The following DCC variants were observed in gnomAD, a reference collection of about 807,000 sequenced individuals.
DCC encodes netrin receptor DCC.
A neutral mutation model predicts 172.5 loss-of-function variants in DCC; 58 were observed. The observed-to-expected ratio is 0.34, with a 90% CI of 0.27 to 0.42. DCC has a LOEUF of 0.42. Among genes scored for constraint, DCC ranks in the 10% least tolerant of loss-of-function variants. The pLI is 1.00. For synonymous variants in DCC, 709 were observed against 644.5 expected (o/e 1.10, Z -1.52); for missense variants, 1,740 against 1,791.0 (o/e 0.97, Z 0.51).
At chr18:52,986,361 G>A (rs891485315) in intron 5 of DCC, among the ~76,000 whole-genome samples, 4 of 152,100 alleles carry the variant, frequency 2.6e-5, no homozygotes, top group Non-Finnish European at 5.9e-5. Context: ...GCAGCGAATG[G>A]CCCAGATATT....
At chr18:52,727,095 A>C (rs540269747) in intron 1 of DCC, among the ~76,000 whole-genome samples, 1 of 152,200 alleles carries the variant, frequency 6.6e-6, no homozygotes, top group Admixed American at 6.5e-5. Context: ...GAGTCAGTAG[A>C]TAGATTGTCA....
chr18:53,111,029 G>GAAAATGTGGCACATATACAC (rs1241836136), intron 7 of DCC, among the ~76,000 whole-genome samples: 4 of 139,000 alleles, frequency 2.9e-5, no homozygotes, highest in Non-Finnish European at 6.2e-5. Context: ...ACTGGATTAA[G>GAAAATGTGGCACATATACAC]AAAATGTGGC....
intron 2 of DCC, among the ~76,000 whole-genome samples, chr18:52,803,192 T>C (rs537024744): frequency 2.4e-4 from 36 of 152,320 alleles, no homozygotes; most frequent in African/African-American, 7.9e-4. Context: ...CATGGTGTTA[T>C]TCAAGGTTTA....
intron 20 of DCC, among the ~76,000 whole-genome samples, 160 bp downstream of exon 20, chr18:53,410,806 G>T (rs896248254): frequency 1.3e-5 from 2 of 152,072 alleles, no homozygotes; most frequent in Admixed American, 6.6e-5. Context: ...GCTCAAAGCC[G>T]ACATATCAAA....
intron 7 of DCC, among the ~76,000 whole-genome samples, chr18:53,139,470 A>T (rs975113574): frequency 6.6e-6 from 1 of 152,054 alleles, no homozygotes; most frequent in Non-Finnish European, 1.5e-5. Context: ...CCATCTCATG[A>T]TCTGATTTCT....
At chr18:52,402,306 A>C (rs1258221729) in intron 1 of DCC, among the ~76,000 whole-genome samples, 2 of 152,006 alleles carry the variant, frequency 1.3e-5, no homozygotes, top group African/African-American at 4.8e-5. Flanking sequence ...ATTTTGGGTG[A>C]TCAGAATATT....
At chr18:52,386,910 A>G (rs1389378297) in intron 1 of DCC, among the ~76,000 whole-genome samples, 1 of 152,088 alleles carries the variant, frequency 6.6e-6, no homozygotes, top group African/African-American at 2.4e-5. Context: ...TATTACAGAT[A>G]CCATTACGGG....
At chr18:52,719,966 C>T (rs1599045921) in intron 1 of DCC, among the ~76,000 whole-genome samples, 1 of 151,996 alleles carries the variant, frequency 6.6e-6, no homozygotes, top group South Asian at 2.1e-4. Flanking sequence ...ACAAGAAGAC[C>T]CAGAAAGTTA....
At chr18:53,014,580 G>A (rs893165177) in intron 5 of DCC, among the ~76,000 whole-genome samples, 1 of 151,508 alleles carries the variant, frequency 6.6e-6, no homozygotes, top group African/African-American at 2.4e-5. Context: ...GAGAATGATG[G>A]GGGATAATTA....
intron 12 of DCC, among the ~76,000 whole-genome samples, chr18:53,276,416 G>A (rs1238094564): frequency 6.6e-6 from 1 of 151,968 alleles, no homozygotes. Context: ...TCATTCCATT[G>A]TTCTTGCTTT....
In DCC at chr18:53,240,127, ATATGAAAGTTATAATTAC is replaced by A. The variant is rs1156799923; in HGVS notation, c.1911+24550_1911+24567del. On this transcript the variant is annotated intron_variant, in intron 12 of 28. Coordinates refer to ENST00000442544, the MANE Select transcript of DCC (RefSeq NM_005215.4). Reference sequence around the variant, plus strand: ...CCTCTACTGTTTTCCAGAAGAATAAATATGAAAGTTATAATTACTATGAAAGTTATAATTACTTTTATA... The same window carrying A: ...CCTCTACTGTTTTCCAGAAGAATAAATATGAAAGTTATAATTACTTTTATA... Among the ~76,000 whole-genome samples, 24 of 152,014 alleles carry A rather than the reference ATATGAAAGTTATAATTAC, an allele frequency of 1.6e-4. 1 individual carries two copies. In the South Asian group the frequency reaches 3.3e-3, roughly 21 times the overall value.
At chr18:53,275,904 G>C (rs1002532806) in intron 12 of DCC, among the ~76,000 whole-genome samples, 1 of 147,190 alleles carries the variant, frequency 6.8e-6, no homozygotes, top group African/African-American at 2.7e-5. Context: ...TAGAGTTAAA[G>C]CAGGATTTTT....
chr18:52,748,183 C>T (rs1197136315), intron 1 of DCC, among the ~76,000 whole-genome samples: 1 of 152,184 alleles, frequency 6.6e-6, no homozygotes, highest in African/African-American at 2.4e-5. Flanking sequence ...GCTTTAGGTG[C>T]CGGCACAGGC....
chr18:53,128,737 C>G (rs2043600939), intron 7 of DCC, among the ~76,000 whole-genome samples: 1 of 150,924 alleles, frequency 6.6e-6, no homozygotes. Flanking sequence ...ATACTGGTTT[C>G]AATTTTGAAG....
chr18:53,023,137 CA>C (rs1288474355), intron 5 of DCC, among the ~76,000 whole-genome samples: 5 of 151,574 alleles, frequency 3.3e-5, no homozygotes, highest in African/African-American at 9.7e-5. Flanking sequence ...ATAAATGTAC[CA>C]TAGTAATTAG....
In DCC at chr18:53,502,798, G is replaced by GAAGAAGC. The variant is rs572416812; in HGVS notation, c.4111+3289_4111+3295dup. Among the ~76,000 whole-genome samples, 63 of 151,908 alleles carry GAAGAAGC rather than the reference G, an allele frequency of 4.1e-4. No individual in the cohort carries two copies. The South Asian group carries it at 0.013, about 31-fold the overall frequency. ...TGAAAGCTTTGAGATTAGGATCAAG[G>GAAGAAGC]AAGAAGCTCTTTCCCCACTCAAATT... is the stretch of plus-strand genomic sequence containing the variant. On this transcript the variant is annotated intron_variant, in intron 27 of 28. Coordinates refer to ENST00000442544, the MANE Select transcript of DCC (RefSeq NM_005215.4).
chr18:52,964,597 A>G (rs149483492), intron 5 of DCC, among the ~76,000 whole-genome samples: 33 of 152,254 alleles, frequency 2.2e-4, no homozygotes, highest in African/African-American at 7.7e-4. Flanking sequence ...AAAAGTCTCT[A>G]TAACTTTCTG....
chr18:52,487,300 G>A (rs1414198404), intron 1 of DCC, among the ~76,000 whole-genome samples: 2 of 152,088 alleles, frequency 1.3e-5, no homozygotes, highest in African/African-American at 2.4e-5. Flanking sequence ...AGGGCTCAAA[G>A]TGTTGAAAAT....
chr18:53,530,747 C>G lies in DCC; in HGVS notation c.*94C>G. ...CACACCTGTGTCCAAGAACTCTAAC[C>G]AGTGTACAGGTCACCCATCAGGACC... On this transcript the variant is annotated 3_prime_UTR_variant, in exon 29 of 29. Transcript: ENST00000442544. 1.3e-6 allele frequency: 1 copy of G among 785,550 alleles called. No homozygotes were observed. The highest frequency in any genetic ancestry group is 2.3e-6 in the Non-Finnish European group (1 of 428,906). 48.7% of individuals were successfully genotyped at this position (785,550 alleles called of 1,614,324 possible).
Sources: allele counts gnomAD v4.1 joint callset (sites outside exome capture counted in the v4.1 genomes callset), GRCh38; gene constraint gnomAD v4.1.1; transcripts MANE v1.5; gene names NCBI Gene and HGNC (gene_info 2026-07-23, HGNC 2026-07-21).